Variants in TENM2 observed in about 807,000 individuals in gnomAD.
TENM2 encodes teneurin-2.
A neutral mutation model predicts 245.2 loss-of-function variants in TENM2; 52 were observed. The observed-to-expected ratio is 0.21, with a 90% CI of 0.17 to 0.27. The LOEUF is 0.27. Among genes scored for constraint, TENM2 ranks in the 10% least tolerant of loss-of-function variants. TENM2 has a pLI of 1.00. For missense variants in TENM2, 3,046 were observed against 3,666.8 expected (o/e 0.83, Z 4.37); for synonymous variants, 1,363 against 1,438.9 (o/e 0.95, Z 1.19).
At chr5:168,077,782 A>G (rs1370391123) in intron 7 of TENM2, among the ~76,000 whole-genome samples, 4 of 152,176 alleles carry the variant, frequency 2.6e-5, no homozygotes, top group Non-Finnish European at 4.4e-5. Flanking sequence ...GCTGCATAGT[A>G]TTCCATGGTG....
intron 20 of TENM2, 35 bp from the exon 23 acceptor site, chr5:168,215,005 C>T: frequency 6.3e-7 from 1 of 1,588,778 alleles, no homozygotes; most frequent in Non-Finnish European, 8.6e-7. Flanking sequence ...TCCATAGCCC[C>T]CTCCTCATTT....
At chr5:167,291,088 T>A (rs1754608293) in intron 1 of TENM2, among the ~76,000 whole-genome samples, 1 of 152,216 alleles carries the variant, frequency 6.6e-6, no homozygotes, top group South Asian at 2.1e-4. Context: ...CCAACTGTTA[T>A]CCTCCCAGTA....
intron 2 of TENM2, among the ~76,000 whole-genome samples, chr5:167,436,362 C>G (rs1764555446): frequency 6.6e-6 from 1 of 152,104 alleles, no homozygotes; most frequent in Non-Finnish European, 1.5e-5. Context: ...TCTGGGATTA[C>G]AGGTGTGAAC....
chr5:167,780,045 G>T (rs960294941), intron 2 of TENM2, among the ~76,000 whole-genome samples: 3 of 152,114 alleles, frequency 2.0e-5, no homozygotes, highest in Non-Finnish European at 4.4e-5. Flanking sequence ...CCAAAGCATG[G>T]AATAAACAAC....
chr5:167,196,500 G>GTGTATATATATATATGTGTA, the TENM2 span, among the ~76,000 whole-genome samples: 505 of 149,034 alleles, frequency 3.4e-3, 8 homozygotes, highest in African/African-American at 0.012. Context: ...ATATATATGT[G>GTGTATATATATATATGTGTA]TATATATATG....
At chr5:167,696,199 T>A (rs1288291583) in intron 2 of TENM2, among the ~76,000 whole-genome samples, 1 of 152,200 alleles carries the variant, frequency 6.6e-6, no homozygotes, top group Non-Finnish European at 1.5e-5. Flanking sequence ...CAGGTTTGAT[T>A]ACCTGTGAGT....
At chr5:167,039,202 G>A in the TENM2 span, among the ~76,000 whole-genome samples, 1 of 151,936 alleles carries the variant, frequency 6.6e-6, no homozygotes, top group Non-Finnish European at 1.5e-5. Context: ...ACTGGAGCTG[G>A]GTGTTCCTGT....
At chr5:167,753,629 G>A (rs550824815) in intron 2 of TENM2, among the ~76,000 whole-genome samples, 148 of 152,222 alleles carry the variant, frequency 9.7e-4, no homozygotes, top group Non-Finnish European at 1.8e-3. Flanking sequence ...GAGGCACAGT[G>A]TGGGTAAGTC....
chr5:167,957,398 T>C (rs1780647085), intron 4 of TENM2, among the ~76,000 whole-genome samples: 3 of 152,310 alleles, frequency 2.0e-5, no homozygotes, highest in Non-Finnish European at 4.4e-5. Context: ...GCAGTCTATC[T>C]ATTTTGTTAA....
At chr5:167,986,767 A>C (rs1159837320) in intron 4 of TENM2, among the ~76,000 whole-genome samples, 1 of 152,194 alleles carries the variant, frequency 6.6e-6, no homozygotes, top group Non-Finnish European at 1.5e-5. Context: ...CAAATGATTC[A>C]TCTGAACACA....
chr5:168,204,230 C>T, intron 18 of TENM2, 142 bp from the exon 21 acceptor site: 1 of 876,922 alleles, frequency 1.1e-6, no homozygotes, highest in African/African-American at 1.7e-5. Flanking sequence ...CACTGCAGCT[C>T]TCTCCACATT....
intron 6 of TENM2, among the ~76,000 whole-genome samples, chr5:168,048,703 C>T (rs1345179320): frequency 6.6e-6 from 1 of 152,286 alleles, no homozygotes. Context: ...CAGAGGTGCA[C>T]ATTAGTCATC....
chr5:167,017,997 C>G, the TENM2 span, among the ~76,000 whole-genome samples: 4 of 152,094 alleles, frequency 2.6e-5, no homozygotes, highest in African/African-American at 9.7e-5. Context: ...TATCAGGTGT[C>G]CATCTTTTAT....
intron 2 of TENM2, among the ~76,000 whole-genome samples, chr5:167,529,541 C>T (rs1771354676): frequency 6.6e-6 from 1 of 152,136 alleles, no homozygotes; most frequent in African/African-American, 2.4e-5. Context: ...GAGTAACCAG[C>T]ATATATCTTA....
chr5:167,359,099 A>G (rs1163148968), intron 1 of TENM2, among the ~76,000 whole-genome samples: 2 of 151,954 alleles, frequency 1.3e-5, no homozygotes, highest in South Asian at 2.1e-4. Flanking sequence ...TTCCTTTACT[A>G]CTCTTTGCAG....
chr5:167,876,217 T>A, intron 3 of TENM2, 22 bp downstream of exon 5: 1 of 1,526,262 alleles, frequency 6.6e-7, no homozygotes, highest in Non-Finnish European at 8.9e-7. Context: ...CCGTGGTGTC[T>A]GAATGTGTGG....
the TENM2 span, among the ~76,000 whole-genome samples, chr5:167,039,027 A>G: frequency 6.6e-6 from 1 of 152,206 alleles, no homozygotes; most frequent in Admixed American, 6.5e-5. Flanking sequence ...AGCTTGTAAA[A>G]TAAAAGATGT....
chr5:166,989,827 G>A, the TENM2 span, among the ~76,000 whole-genome samples: 2 of 149,602 alleles, frequency 1.3e-5, no homozygotes, highest in East Asian at 1.9e-4. Flanking sequence ...TGCTGAAAAT[G>A]AATTGGAAGG....
At chr5:168,199,135 G>A (rs371254951) in intron 16 of TENM2, 21 bp downstream of exon 18, 13 of 1,602,710 alleles carry the variant, frequency 8.1e-6, no homozygotes, top group Non-Finnish European at 1.1e-5. Context: ...CAGTGCCAGG[G>A]CGGGACTCTC....
Sources: allele counts gnomAD v4.1 joint callset (sites outside exome capture counted in the v4.1 genomes callset), GRCh38; gene constraint gnomAD v4.1.1; transcripts MANE v1.5; gene names NCBI Gene and HGNC (gene_info 2026-07-23, HGNC 2026-07-21).